SQSTM1: variants seen among roughly 807,000 people sequenced by gnomAD.
SQSTM1 encodes sequestosome 1.
In SQSTM1, 36 loss-of-function variants were observed where a neutral mutation model predicts 45.1. That is an observed-to-expected ratio of 0.80 (90% CI 0.61 to 1.05). The LOEUF (loss-of-function observed/expected upper bound fraction) is 1.05, where lower values mean the gene tolerates loss of function less well. Ranked by LOEUF, SQSTM1 falls within the 50% of genes least tolerant of loss-of-function variation. The pLI, the probability that SQSTM1 is intolerant of heterozygous loss-of-function variation, is 0.00. For synonymous variants in SQSTM1, 290 were observed against 244.3 expected, an observed-to-expected ratio of 1.19 and a Z score of -1.74; for missense variants, 617 against 607.1, an observed-to-expected ratio of 1.02 and a Z score of -0.17.
intron 7 of SQSTM1, among the ~76,000 whole-genome samples, chr5:179,834,919 T>C (rs1479949129): frequency 4.7e-4 from 72 of 152,304 alleles, no homozygotes; most frequent in African/African-American, 1.1e-3. Flanking sequence ...AGCTGTTGGG[T>C]ACACCTCCCA....
In SQSTM1 at chr5:179,822,995, G is replaced by A. The variant is rs1257304969; in HGVS notation, c.243G>A (p.Glu81=). Residue 81 remains glutamate, a synonymous_variant, in exon 2 of 8, where the codon GAG becomes GAA. Coordinates refer to ENST00000389805, the MANE Select transcript of SQSTM1 (RefSeq NM_003900.5). ...ACTTGGTTGCCTTTTCCAGTGACGA[G>A]GAATTGACAATGGCCATGTCCTACG... The part of the protein sequence containing the change: ...DGDLVAFSSD[E]ELTMAMSYVK... The A allele has an allele frequency of 6.2e-7, 1 of 1,614,158 alleles. No homozygotes were observed. The highest frequency in any genetic ancestry group is 1.7e-5 in the Admixed American group (1 of 60,018).
At chr5:179,832,248 G>A (rs989010318) in intron 5 of SQSTM1, among the ~76,000 whole-genome samples, 2 of 152,252 alleles carry the variant, frequency 1.3e-5, no homozygotes, top group Admixed American at 6.5e-5. Flanking sequence ...GATGGGGGCA[G>A]GGAGTGTGCA....
chr5:179,808,944 G>A (rs1164311980), intron 1 of SQSTM1, among the ~76,000 whole-genome samples: 3 of 149,242 alleles, frequency 2.0e-5, no homozygotes, highest in African/African-American at 7.4e-5. Flanking sequence ...TGCAAGCTCC[G>A]CCTCCCACCT....
upstream of SQSTM1, among the ~76,000 whole-genome samples, chr5:179,817,776 G>A (rs191987201): frequency 6.6e-6 from 1 of 152,262 alleles, no homozygotes; most frequent in African/African-American, 2.4e-5. Context: ...TTGGGAGGCC[G>A]AGGTGGGCGG....
At position 179,822,911 on chromosome 5, in the gene SQSTM1, A is replaced by T. The variant is rs745966325; in HGVS notation, c.206-47A>T. On this transcript the variant is annotated intron_variant, in intron 1 of 7. Transcript: ENST00000389805. ...CAGCCCATTCCAGCAGCTTATGTCC[A>T]GCTGAGAACCCCTGGGTGCTCACGT... The T allele has an allele frequency of 3.2e-6, 5 of 1,554,312 alleles. No homozygotes were observed. In the Admixed American group the frequency reaches 8.4e-5, roughly 26 times the overall value.
chr5:179,827,753 G>A (rs2113497256), intron 5 of SQSTM1, among the ~76,000 whole-genome samples: 1 of 151,006 alleles, frequency 6.6e-6, no homozygotes, highest in Admixed American at 6.5e-5. Flanking sequence ...TGTTGTGGAA[G>A]TTAGGGCTAG....
At chr5:179,811,183 A>C (rs1168891862) in intron 1 of SQSTM1, among the ~76,000 whole-genome samples, 1 of 151,924 alleles carries the variant, frequency 6.6e-6, no homozygotes, top group Admixed American at 6.6e-5. Context: ...CAGTGAGCCG[A>C]GATCGCACCA....
chr5:179,824,750 T>TG (rs1422613569), intron 4 of SQSTM1, among the ~76,000 whole-genome samples: 2 of 152,264 alleles, frequency 1.3e-5, no homozygotes, highest in African/African-American at 4.8e-5. Flanking sequence ...TCTAGATTTT[T>TG]GGATTCTGAT....
chr5:179,827,745 T>C lies in SQSTM1; in HGVS notation c.754+2519T>C, dbSNP rs184791008. Among the ~76,000 whole-genome samples the C allele has an allele frequency of 7.2e-5, 11 of 151,800 alleles. No homozygotes were observed. The East Asian group carries it at 2.1e-3, about 29-fold the overall frequency. On this transcript the variant is annotated intron_variant, in intron 5 of 7. Coordinates refer to ENST00000389805, the MANE Select transcript of SQSTM1 (RefSeq NM_003900.5). ...GCCAGTGGAGGAGCGGCTTAGACTG[T>C]TGTGGAAGTTAGGGCTAGTTTCTTT...
At chr5:179,834,794 T>C (rs982443686) in intron 7 of SQSTM1, among the ~76,000 whole-genome samples, 6 of 152,240 alleles carry the variant, frequency 3.9e-5, no homozygotes, top group Non-Finnish European at 7.3e-5. Flanking sequence ...AAGTCTCCCA[T>C]GTCTACTTCT....
chr5:179,813,547 G>A (rs1757497336), intron 2 of SQSTM1: 1 of 152,070 alleles, frequency 6.6e-6, no homozygotes, highest in Admixed American at 6.6e-5. Context: ...AAAGCCAGGA[G>A]CTTCAGACCA....
At chr5:179,813,066 C>G (rs575696018) in intron 2 of SQSTM1, 1 of 150,192 alleles carries the variant, frequency 6.7e-6, no homozygotes, top group African/African-American at 2.5e-5. Context: ...CTGCAGATGC[C>G]AAGGGTGTCC....
chr5:179,812,413 AG>A (rs1757455584), intron 2 of SQSTM1: 1 of 152,220 alleles, frequency 6.6e-6, no homozygotes, highest in Non-Finnish European at 1.5e-5. Context: ...CTAGGTTTTC[AG>A]CAGCTTCCGG....
intron 1 of SQSTM1, chr5:179,821,439 C>T (rs1443436377): frequency 1.6e-6 from 1 of 610,282 alleles, no homozygotes; most frequent in Non-Finnish European, 3.0e-6. Flanking sequence ...GCTCCACCCC[C>T]CGCGCTGTTG....
At chr5:179,816,161 C>CTTTGT (rs552855181), upstream of SQSTM1, among the ~76,000 whole-genome samples, 78 of 152,158 alleles carry the variant, frequency 5.1e-4, no homozygotes, top group East Asian at 7.0e-3. Flanking sequence ...AGAAGGTTTT[C>CTTTGT]TTTGTTTTGT....
Position 179,824,229 on chromosome 5 carries a change from C to T in SQSTM1, c.579C>T (p.Phe193=), listed in dbSNP as rs527602. 3.4e-5 allele frequency: 55 copies of T among 1,613,870 alleles called. 1 individual carries two copies. Among genetic ancestry groups the T allele is most frequent in the South Asian group, 2.6e-4 (24 of 91,084 alleles). ...TCCGGAAGGTGAAACACGGACACTTCGGGTGGCCAGGATGGGAAATGGGTC... is the reference window on the plus strand; with the variant it reads ...TCCGGAAGGTGAAACACGGACACTTTGGGTGGCCAGGATGGGAAATGGGTC... The part of the protein sequence containing the change: ...RWLRKVKHGH[F]GWPGWEMGPP... Residue 193 remains phenylalanine, a synonymous_variant, in exon 4 of 8, where the codon TTC becomes TTT. Transcript: ENST00000389805.
rs368323623 is a variant in SQSTM1 at position 179,837,724 on chromosome 5, G to A, written c.*1131G>A. 5.0e-6 allele frequency: 8 copies of A among 1,614,252 alleles called. No homozygotes were observed. In the Admixed American group the frequency reaches 6.7e-5, roughly 13 times the overall value. On this transcript the variant is annotated 3_prime_UTR_variant, in exon 8 of 8. Coordinates refer to ENST00000389805, the MANE Select transcript of SQSTM1 (RefSeq NM_003900.5). ...CATGTGAACTTTTTCTAGGTGGCAG[G>A]ACAAATTGCGCCCATTTAGAGGATG... is the stretch of plus-strand genomic sequence containing the variant.
upstream of SQSTM1, among the ~76,000 whole-genome samples, chr5:179,818,232 G>A (rs868010330): frequency 6.6e-6 from 1 of 152,030 alleles, no homozygotes; most frequent in Non-Finnish European, 1.5e-5. Context: ...GGAGGGCTGT[G>A]GCCCTCCCAT....
rs149508576 is a variant in SQSTM1 at position 179,837,303 on chromosome 5, G to T, written c.*710G>T. 3 of 1,601,904 alleles carry T rather than the reference G, an allele frequency of 1.9e-6. No individual in the cohort carries two copies. Among genetic ancestry groups the T allele is most frequent in the Non-Finnish European group, 2.6e-6 (3 of 1,174,280 alleles). ...ATTGACAGTAAGTTTATTGTTAATG[G>T]TTCTTACAGAGTATCTTTAAAAGTG... On this transcript the variant is annotated 3_prime_UTR_variant, in exon 8 of 8. Coordinates refer to ENST00000389805, the MANE Select transcript of SQSTM1 (RefSeq NM_003900.5).
Sources: gnomAD v4.1 joint callset for allele counts (sites outside exome capture counted in the v4.1 genomes callset) on GRCh38, gnomAD v4.1.1 for gene constraint, MANE v1.5 for transcripts, NCBI Gene and HGNC (gene_info 2026-07-23, HGNC 2026-07-21) for gene names.